The following SLC26A4 variants were observed in gnomAD, a reference collection of about 807,000 sequenced individuals.
SLC26A4 encodes pendrin.
A neutral mutation model predicts 90.4 loss-of-function variants in SLC26A4; 93 were observed. The observed-to-expected ratio is 1.03, with a 90% CI of 0.87 to 1.22. The LOEUF is 1.22. SLC26A4 is among the 50% of genes most tolerant of loss of function. SLC26A4 has a pLI of 0.00. For synonymous variants in SLC26A4, 393 were observed against 354.6 expected (o/e 1.11, Z -1.22); for missense variants, 1,127 against 946.2 (o/e 1.19, Z -2.51).
chr7:107,693,648 C>T (rs1165747576), intron 10 of SLC26A4: 21 of 986,382 alleles, frequency 2.1e-5, no homozygotes, highest in Non-Finnish European at 2.3e-5. Flanking sequence ...CCCCCTCAGC[C>T]TCTCTCCTAA....
intron 8 of SLC26A4, 133 bp from the exon 9 acceptor site, chr7:107,688,920 G>A (rs921633597): frequency 1.5e-4 from 127 of 873,374 alleles, no homozygotes; most frequent in South Asian, 1.0e-3. Context: ...TATGTATTTC[G>A]TGTGCTTTTT....
At chr7:107,686,376 CCCTTCCTT>C (rs1270128456) in intron 8 of SLC26A4, among the ~76,000 whole-genome samples, 158 of 144,072 alleles carry the variant, frequency 1.1e-3, no homozygotes, top group South Asian at 2.1e-3. Context: ...CCCTTTCCTC[CCCTTCCTT>C]CCTTCCTTCC....
At chr7:107,671,732 G>T (rs1032477771) in intron 3 of SLC26A4, among the ~76,000 whole-genome samples, 1 of 152,158 alleles carries the variant, frequency 6.6e-6, no homozygotes, top group East Asian at 1.9e-4. Flanking sequence ...AAAGACAGAT[G>T]CTCCTCTACT....
In SLC26A4 at chr7:107,661,490, G is replaced by T; in HGVS notation, c.-3-149G>T. The T allele has an allele frequency of 1.1e-6, 1 of 901,244 alleles. No homozygotes were observed. Among genetic ancestry groups the T allele is most frequent in the Non-Finnish European group, 1.7e-6 (1 of 586,758 alleles). The allele number at this position is 901,244 out of a possible 1,614,324, so 55.8% of individuals were successfully genotyped here. On this transcript the variant is annotated intron_variant, in intron 1 of 20. Transcript: ENST00000644269. This position sits in a 1 kb window ranked among gnomAD's most constrained non-coding sequence, Gnocchi z 5.1. ...CCGTGGGGCGCTTGTCGCGAGCGCC[G>T]AGGGCTGCAGGACGCGGACCAGACT... is the stretch of plus-strand genomic sequence containing the variant.
intron 8 of SLC26A4, among the ~76,000 whole-genome samples, chr7:107,687,415 T>A (rs767172747): frequency 4.6e-5 from 7 of 152,320 alleles, no homozygotes; most frequent in Non-Finnish European, 8.8e-5. Context: ...GGCAGGAGTA[T>A]GACAGACTTA....
Position 107,701,958 on chromosome 7 carries a change from A to G in SLC26A4, c.1935A>G (p.Pro645=), listed in dbSNP as rs937741434. The change falls in exon 17 of 21, where the codon CCA becomes CCG. Residue 645 remains proline (P), a synonymous_variant. Coordinates refer to ENST00000644269, the MANE Select transcript of SLC26A4 (RefSeq NM_000441.2). The part of the protein sequence containing the change: ...EIQVDWNSEL[P]VKVNVPKVPI... Reference sequence around the variant, plus strand: ...AAGTGGATTGGAACTCTGAGCTTCCAGTCAAAGTGAACGTTCCCAAAGTGC... The same window carrying G: ...AAGTGGATTGGAACTCTGAGCTTCCGGTCAAAGTGAACGTTCCCAAAGTGC... The G allele has an allele frequency of 1.2e-6, 2 of 1,613,792 alleles. No individual in the cohort carries two copies.
Position 107,717,591 on chromosome 7 carries a change from A to T in SLC26A4, c.*2145A>T, listed in dbSNP as rs1482358215. 6.6e-6 allele frequency: 1 copy of T among 152,620 alleles called. No homozygotes were observed. The highest frequency in any genetic ancestry group is 6.5e-5 in the Admixed American group (1 of 15,280). 9.5% of individuals were successfully genotyped at this position (152,620 alleles called of 1,614,324 possible). ...CTCTTCTATGTATTTTGTGAATAGT[A>T]AGCATAATTTTAGTTTTGTATTATC... On this transcript the variant is annotated 3_prime_UTR_variant, in exon 21 of 21. Transcript: ENST00000644269.
Position 107,717,254 on chromosome 7 carries a change from T to C in SLC26A4, c.*1808T>C, listed in dbSNP as rs1792369552. The C allele has an allele frequency of 6.6e-6, 1 of 150,784 alleles. No individual in the cohort carries two copies. Among genetic ancestry groups the C allele is most frequent in the South Asian group, 2.1e-4 (1 of 4,794 alleles). 9.3% of individuals were successfully genotyped at this position (150,784 alleles called of 1,614,324 possible). ...GCTGGCGGGCGCCTGTAGTCCCAGC[T>C]ATTTGGGAGGCTAAGGCAGGAGAAT... On this transcript the variant is annotated 3_prime_UTR_variant, in exon 21 of 21. Coordinates refer to ENST00000644269, the MANE Select transcript of SLC26A4 (RefSeq NM_000441.2).
intron 3 of SLC26A4, among the ~76,000 whole-genome samples, chr7:107,670,675 GC>G (rs1790841107): frequency 6.6e-6 from 1 of 152,062 alleles, no homozygotes; most frequent in African/African-American, 2.4e-5. Flanking sequence ...GTGTGTGGGG[GC>G]CAGCATATTC....
chr7:107,684,154 G>T (rs1339683660), intron 8 of SLC26A4, among the ~76,000 whole-genome samples: 1 of 152,136 alleles, frequency 6.6e-6, no homozygotes, highest in Non-Finnish European at 1.5e-5. Flanking sequence ...AGCTTATTAT[G>T]AAACACCAGT....
Position 107,701,110 on chromosome 7 carries a change from G to T in SLC26A4, c.1717G>T (p.Asp573Tyr). 1 of 1,599,804 alleles carries T rather than the reference G, an allele frequency of 6.3e-7. No individual in the cohort carries two copies. The highest frequency in any genetic ancestry group is 8.6e-7 in the Non-Finnish European group (1 of 1,167,108). Reference protein sequence around the residue: ...KKCIKSTVGFDAIRVYNKRLK... With the variant: ...KKCIKSTVGFYAIRVYNKRLK... ...ACATTTATTTCCAAAGGTTGGATTT[G>T]ATGCCATTAGAGTATATAATAAGAG... Residue 573 changes from aspartate to tyrosine, a missense_variant, in exon 16 of 21, where the codon GAT becomes TAT. By Grantham distance (160) the Asp-to-Tyr change is radical. Transcript: ENST00000644269.
chr7:107,697,946 CA>C, intron 13 of SLC26A4, 95 bp from the exon 14 acceptor site: 1 of 793,172 alleles, frequency 1.3e-6, no homozygotes, highest in South Asian at 1.4e-5. Context: ...TCCAAAACAC[CA>C]GAATGATGGG....
intron 8 of SLC26A4, 79 bp downstream of exon 8, chr7:107,683,616 A>T: frequency 1.8e-6 from 2 of 1,122,432 alleles, no homozygotes; most frequent in Non-Finnish European, 2.6e-6. Context: ...ACCTTTTATT[A>T]CAAGCTTCAT....
intron 13 of SLC26A4, 45 bp downstream of exon 13, chr7:107,696,084 C>T (rs778638619): frequency 4.8e-6 from 5 of 1,033,214 alleles, no homozygotes; most frequent in Non-Finnish European, 1.5e-6. Flanking sequence ...GAACAACACA[C>T]TCTGAGCTTC....
At chr7:107,668,312 G>C (rs145753896) in intron 3 of SLC26A4, among the ~76,000 whole-genome samples, 1 of 152,342 alleles carries the variant, frequency 6.6e-6, no homozygotes, top group African/African-American at 2.4e-5. Flanking sequence ...AGGAAGGTGT[G>C]GAGGATAGAG....
intron 6 of SLC26A4, among the ~76,000 whole-genome samples, chr7:107,680,511 A>G (rs1176514771): frequency 6.8e-6 from 1 of 147,804 alleles, no homozygotes; most frequent in African/African-American, 2.5e-5. Context: ...TTATACAATA[A>G]TAATGTAAAC....
intron 10 of SLC26A4, 146 bp from the exon 11 acceptor site, chr7:107,694,257 C>T: frequency 1.4e-6 from 1 of 715,140 alleles, no homozygotes; most frequent in Non-Finnish European, 2.5e-6. Context: ...ATAACTATCA[C>T]TTTTCTCGAC....
chr7:107,666,618 T>A (rs1007330174), intron 3 of SLC26A4, among the ~76,000 whole-genome samples: 1 of 152,016 alleles, frequency 6.6e-6, no homozygotes. Context: ...GAGACAGCCA[T>A]GTGATAAGCA....
chr7:107,707,396 A>C (rs1367467526), intron 18 of SLC26A4, among the ~76,000 whole-genome samples: 1 of 152,224 alleles, frequency 6.6e-6, no homozygotes, highest in Non-Finnish European at 1.5e-5. Context: ...TATTTGTCAG[A>C]GTTCTTTTCA....
Sources: gnomAD v4.1 joint callset for allele counts (sites outside exome capture counted in the v4.1 genomes callset) on GRCh38, gnomAD v4.1.1 for gene constraint, Gnocchi (gnomAD v3.1) non-coding constraint, MANE v1.5 for transcripts, NCBI Gene and HGNC (gene_info 2026-07-23, HGNC 2026-07-21) for gene names.